EEFSEC: variants seen among roughly 807,000 people sequenced by gnomAD.
EEFSEC encodes selenocysteine-specific elongation factor.
A neutral mutation model predicts 42.1 loss-of-function variants in EEFSEC; 43 were observed. The observed-to-expected ratio is 1.02, with a 90% CI of 0.80 to 1.32. The LOEUF (loss-of-function observed/expected upper bound fraction) is 1.32, where lower values mean the gene tolerates loss of function less well. Among genes scored for constraint, EEFSEC ranks in the 40% most tolerant of loss-of-function variants. EEFSEC has a pLI of 0.00. For synonymous variants in EEFSEC, 354 were observed against 339.1 expected (o/e 1.04, Z -0.48); for missense variants, 745 against 803.6 (o/e 0.93, Z 0.88).
chr3:128,265,605 T>C (rs1313576844), intron 4 of EEFSEC, among the ~76,000 whole-genome samples: 1 of 152,178 alleles, frequency 6.6e-6, no homozygotes, highest in Non-Finnish European at 1.5e-5. Context: ...CTCTAATCCT[T>C]GAAGGAGCCT....
chr3:128,185,254 GTA>G (rs2065453305), intron 1 of EEFSEC, among the ~76,000 whole-genome samples: 1 of 152,046 alleles, frequency 6.6e-6, no homozygotes, highest in Non-Finnish European at 1.5e-5. Flanking sequence ...ATATATTTAT[GTA>G]TGTACAGAAT....
chr3:128,162,736 AT>A (rs2065202931), intron 1 of EEFSEC, among the ~76,000 whole-genome samples: 1 of 152,108 alleles, frequency 6.6e-6, no homozygotes, highest in Admixed American at 6.5e-5. Flanking sequence ...AACAAAACAT[AT>A]CAAAAGTTAA....
chr3:128,157,096 T>C (rs2107755045), intron 1 of EEFSEC, among the ~76,000 whole-genome samples: 1 of 152,376 alleles, frequency 6.6e-6, no homozygotes. Context: ...GACAGCTTTA[T>C]TGCTTTATAG....
At position 128,264,709 on chromosome 3, in the gene EEFSEC, C is replaced by G; in HGVS notation, c.714C>G (p.Gly238=). The G allele has an allele frequency of 6.2e-7, 1 of 1,614,182 alleles. No homozygotes were observed. ...ACTGTTTCTCCATCAAAGGCCAAGG[C>G]ACTGTGATGACAGGGACCATCCTTT... The part of the protein sequence containing the change: ...VDHCFSIKGQ[G]TVMTGTILSG... The change falls in exon 4 of 7, where the codon GGC becomes GGG. Residue 238 remains glycine (G), a synonymous_variant. Coordinates refer to ENST00000254730, the MANE Select transcript of EEFSEC (RefSeq NM_021937.5).
chr3:128,160,504 G>A (rs554797252), intron 1 of EEFSEC, among the ~76,000 whole-genome samples: 29 of 152,328 alleles, frequency 1.9e-4, no homozygotes, highest in African/African-American at 7.0e-4. Context: ...GGCTGTTAAA[G>A]CAGGTGTGTG....
chr3:128,238,748 C>T (rs1157992310), intron 1 of EEFSEC, among the ~76,000 whole-genome samples: 1 of 152,222 alleles, frequency 6.6e-6, no homozygotes, highest in Non-Finnish European at 1.5e-5. Flanking sequence ...CTTCAGCCTC[C>T]CAAAGTGTGT....
At chr3:128,165,484 T>C (rs568527549) in intron 1 of EEFSEC, among the ~76,000 whole-genome samples, 2 of 152,320 alleles carry the variant, frequency 1.3e-5, no homozygotes, top group African/African-American at 4.8e-5. Context: ...TGAAGTGGCC[T>C]TTGTTGGGTG....
At chr3:128,171,832 T>TAAA (rs34603135) in intron 1 of EEFSEC, among the ~76,000 whole-genome samples, 3 of 142,224 alleles carry the variant, frequency 2.1e-5, no homozygotes, top group East Asian at 2.0e-4. Flanking sequence ...TTGAAAATAT[T>TAAA]AAAAAAAAAA....
chr3:128,373,977 T>C (rs1176811646), intron 6 of EEFSEC, among the ~76,000 whole-genome samples: 1 of 152,198 alleles, frequency 6.6e-6, no homozygotes, highest in Non-Finnish European at 1.5e-5. Context: ...GAAGGGCTCA[T>C]GGTCGGGAGT....
intron 1 of EEFSEC, among the ~76,000 whole-genome samples, chr3:128,186,805 A>T (rs2999059): frequency 0.13 from 19,682 of 151,512 alleles, 1,483 homozygotes; most frequent in Admixed American, 0.2. Flanking sequence ...TTTTTTTTTT[A>T]AAGTTCTAAA....
chr3:128,320,606 GAGAAA>G (rs1374641468), intron 4 of EEFSEC, among the ~76,000 whole-genome samples: 1 of 152,200 alleles, frequency 6.6e-6, no homozygotes, highest in Non-Finnish European at 1.5e-5. Context: ...GTGTTATGAG[GAGAAA>G]AGGTTGCTTG....
chr3:128,196,197 A>T (rs904923124), intron 1 of EEFSEC, among the ~76,000 whole-genome samples: 1 of 152,270 alleles, frequency 6.6e-6, no homozygotes, highest in Non-Finnish European at 1.5e-5. Context: ...ACTCCAAAAA[A>T]CTGCAAAGAC....
intron 4 of EEFSEC, among the ~76,000 whole-genome samples, chr3:128,327,316 C>T (rs576811709): frequency 4.7e-5 from 7 of 148,634 alleles, no homozygotes; most frequent in Non-Finnish European, 8.9e-5. Flanking sequence ...GGTTGTCCCC[C>T]TCTCTCCCGA....
At chr3:128,308,838 C>T (rs992145909) in intron 4 of EEFSEC, among the ~76,000 whole-genome samples, 5 of 152,222 alleles carry the variant, frequency 3.3e-5, no homozygotes, top group East Asian at 1.9e-4. Context: ...CAAGACACCG[C>T]CCCTGCTGTC....
chr3:128,386,450 G>T (rs937715171), intron 6 of EEFSEC, among the ~76,000 whole-genome samples: 1 of 152,066 alleles, frequency 6.6e-6, no homozygotes, highest in Non-Finnish European at 1.5e-5. Flanking sequence ...CCCCAGCCCT[G>T]TGGGATATGG....
At chr3:128,290,755 G>A (rs2066634864) in intron 4 of EEFSEC, among the ~76,000 whole-genome samples, 1 of 151,816 alleles carries the variant, frequency 6.6e-6, no homozygotes. Context: ...TTGTTTGTTT[G>A]TTTGTTTTTT....
At chr3:128,202,404 AG>A (rs1311088921) in intron 1 of EEFSEC, among the ~76,000 whole-genome samples, 1 of 152,154 alleles carries the variant, frequency 6.6e-6, no homozygotes, top group Non-Finnish European at 1.5e-5. Context: ...TTTATTTCTA[AG>A]TATTTTATGT....
chr3:128,331,379 A>C (rs1576644223), intron 4 of EEFSEC, among the ~76,000 whole-genome samples: 4 of 57,064 alleles, frequency 7.0e-5, no homozygotes, highest in Admixed American at 2.6e-4. Context: ...CCCCTTCCCC[A>C]ATGCATCTCT....
chr3:128,203,238 G>T (rs975685739), intron 1 of EEFSEC, among the ~76,000 whole-genome samples: 1 of 152,222 alleles, frequency 6.6e-6, no homozygotes, highest in African/African-American at 2.4e-5. Flanking sequence ...AATGGAATTT[G>T]TTGACGGAAG....
Sources: allele counts gnomAD v4.1 joint callset (sites outside exome capture counted in the v4.1 genomes callset), GRCh38; gene constraint gnomAD v4.1.1; transcripts MANE v1.5; gene names NCBI Gene and HGNC (gene_info 2026-07-23, HGNC 2026-07-21).